The following DCC variants were observed in gnomAD, a reference collection of about 807,000 sequenced individuals.
The protein encoded by DCC is DCC netrin 1 receptor.
In DCC, 58 loss-of-function variants were observed where a neutral mutation model predicts 172.5. The observed-to-expected ratio is 0.34, with a 90% CI of 0.27 to 0.42. The LOEUF is 0.42. Ranked by LOEUF, DCC falls within the 10% of genes least tolerant of loss-of-function variation. DCC has a pLI of 1.00. For synonymous variants in DCC, 709 were observed against 644.5 expected (o/e 1.10, Z -1.52); for missense variants, 1,740 against 1,791.0 (o/e 0.97, Z 0.51).
intron 8 of DCC, among the ~76,000 whole-genome samples, chr18:53,159,910 G>A (rs1277113940): frequency 6.6e-6 from 1 of 152,118 alleles, no homozygotes; most frequent in Admixed American, 6.6e-5. Flanking sequence ...AAGAATTCAG[G>A]GCAGTCACTC....
intron 6 of DCC, among the ~76,000 whole-genome samples, chr18:53,065,124 T>C (rs1030266735): frequency 2.0e-5 from 3 of 152,144 alleles, no homozygotes; most frequent in Non-Finnish European, 2.9e-5. Flanking sequence ...TGAGCACAAA[T>C]AGTAAGTTAT....
intron 12 of DCC, among the ~76,000 whole-genome samples, chr18:53,254,362 T>C (rs1317866723): frequency 1.3e-5 from 2 of 152,016 alleles, no homozygotes; most frequent in Non-Finnish European, 2.9e-5. Flanking sequence ...GCCTCTGGGA[T>C]GGTATCAACC....
chr18:53,226,948 A>ATATATTTTTTTTTTTTT, intron 12 of DCC, among the ~76,000 whole-genome samples: 1 of 52,948 alleles, frequency 1.9e-5, no homozygotes, highest in African/African-American at 9.4e-5. Flanking sequence ...ATATATATAT[A>ATATATTTTTTTTTTTTT]TTTTTTTTTT....
chr18:53,066,007 G>C (rs752953729), intron 6 of DCC, 39 bp from the exon 7 acceptor site: 2 of 1,609,610 alleles, frequency 1.2e-6, no homozygotes, highest in Non-Finnish European at 1.7e-6. Flanking sequence ...TGCATTTTTT[G>C]CTTTCTAAAA....
intron 2 of DCC, among the ~76,000 whole-genome samples, chr18:52,847,871 T>C (rs1382155154): frequency 6.6e-6 from 1 of 152,162 alleles, no homozygotes; most frequent in Non-Finnish European, 1.5e-5. Flanking sequence ...ACTTACCATT[T>C]CTCTCATCTG....
chr18:53,130,758 C>A (rs541409467), intron 7 of DCC, among the ~76,000 whole-genome samples: 5 of 152,078 alleles, frequency 3.3e-5, no homozygotes, highest in Admixed American at 3.3e-4. Flanking sequence ...TAGGTTTGTG[C>A]TTTTTCAGCT....
intron 1 of DCC, among the ~76,000 whole-genome samples, chr18:52,477,522 C>T (rs771934199): frequency 5.9e-5 from 9 of 152,202 alleles, no homozygotes; most frequent in Non-Finnish European, 1.3e-4. Flanking sequence ...TGAGTGTTCT[C>T]ATGCATGATT....
chr18:53,127,042 A>G (rs1470210471), intron 7 of DCC, among the ~76,000 whole-genome samples: 1 of 151,966 alleles, frequency 6.6e-6, no homozygotes, highest in Non-Finnish European at 1.5e-5. Flanking sequence ...TTCAGACTGA[A>G]CACATATTAG....
intron 4 of DCC, among the ~76,000 whole-genome samples, chr18:52,924,782 A>G (rs2040175955): frequency 6.6e-6 from 1 of 152,016 alleles, no homozygotes; most frequent in East Asian, 1.9e-4. Context: ...TCCAGTTACC[A>G]TTTCAGCACA....
intron 5 of DCC, among the ~76,000 whole-genome samples, chr18:53,047,861 G>A (rs951879606): frequency 2.0e-5 from 3 of 151,268 alleles, no homozygotes; most frequent in African/African-American, 7.3e-5. Context: ...TTGAATACAT[G>A]AATGGATAGA....
At chr18:53,286,726 G>A (rs1282303904) in intron 12 of DCC, among the ~76,000 whole-genome samples, 3 of 152,288 alleles carry the variant, frequency 2.0e-5, no homozygotes, top group African/African-American at 4.8e-5. Flanking sequence ...TGAGTACCAC[G>A]CTTACAGGGC....
At chr18:52,877,825 A>C (rs1196606330) in intron 2 of DCC, among the ~76,000 whole-genome samples, 4 of 152,148 alleles carry the variant, frequency 2.6e-5, no homozygotes, top group Admixed American at 6.5e-5. Flanking sequence ...AAAAATTACA[A>C]GCAAATATTT....
intron 9 of DCC, among the ~76,000 whole-genome samples, chr18:53,192,509 G>C (rs1187956037): frequency 2.0e-5 from 3 of 152,048 alleles, no homozygotes; most frequent in African/African-American, 7.2e-5. Context: ...AAGCTAGGTG[G>C]GAAACAGAGC....
At chr18:52,837,951 A>G (rs55775712) in intron 2 of DCC, among the ~76,000 whole-genome samples, 66,632 of 151,886 alleles carry the variant, frequency 0.44, 14,810 homozygotes, top group South Asian at 0.55. Context: ...GGCAGGAAGG[A>G]AAAAAATGAA....
intron 15 of DCC, among the ~76,000 whole-genome samples, chr18:53,345,510 A>G (rs771360963): frequency 2.0e-5 from 3 of 152,154 alleles, no homozygotes; most frequent in South Asian, 2.1e-4. Context: ...TTTTTAAGAC[A>G]TAAGGGGAAA....
chr18:53,188,863 C>T (rs2055325773), intron 9 of DCC, among the ~76,000 whole-genome samples: 1 of 152,132 alleles, frequency 6.6e-6, no homozygotes, highest in Non-Finnish European at 1.5e-5. Flanking sequence ...CTGCCTGCAT[C>T]TCCACATGGC....
At chr18:52,636,038 G>A (rs76832791) in intron 1 of DCC, among the ~76,000 whole-genome samples, 1,593 of 152,316 alleles carry the variant, frequency 0.01, 18 homozygotes, top group Middle Eastern at 0.027. Flanking sequence ...CTGCGGAAGC[G>A]GGAAAAGGAG....
chr18:52,604,930 G>A (rs973128324), intron 1 of DCC, among the ~76,000 whole-genome samples: 1 of 152,066 alleles, frequency 6.6e-6, no homozygotes, highest in Admixed American at 6.6e-5. Flanking sequence ...TTAGCTCAAA[G>A]GGGGCTCTTA....
At chr18:53,162,976 A>G (rs926917031) in intron 8 of DCC, among the ~76,000 whole-genome samples, 1 of 152,210 alleles carries the variant, frequency 6.6e-6, no homozygotes, top group Non-Finnish European at 1.5e-5. Context: ...GCCTTAGCTG[A>G]AATGTCAACT....
Sources: gnomAD v4.1 joint callset for allele counts (sites outside exome capture counted in the v4.1 genomes callset) on GRCh38, gnomAD v4.1.1 for gene constraint, MANE v1.5 for transcripts, NCBI Gene and HGNC (gene_info 2026-07-23, HGNC 2026-07-21) for gene names.